XRN2: variants seen among roughly 807,000 people sequenced by gnomAD.
XRN2 encodes DHM1-like protein.
Under a neutral mutation model 138.5 loss-of-function variants are expected in XRN2, and 44 were observed. The ratio of observed to expected loss-of-function variants is 0.32; its 90% CI spans 0.25 to 0.41. The LOEUF (loss-of-function observed/expected upper bound fraction) is 0.41. Among genes scored for constraint, XRN2 ranks in the 10% least tolerant of loss-of-function variants. The pLI, the probability that XRN2 is intolerant of heterozygous loss-of-function variation, is 1.00. For synonymous variants in XRN2, 354 were observed against 369.4 expected (o/e 0.96, Z 0.48); for missense variants, 937 against 1,169.3 (o/e 0.80, Z 2.90).
At chr20:21,328,103 A>T (rs2122204930) in intron 3 of XRN2, among the ~76,000 whole-genome samples, 1 of 152,264 alleles carries the variant, frequency 6.6e-6, no homozygotes, top group South Asian at 2.1e-4. Context: ...CTTTTATGAG[A>T]CATTGTGGAT....
At chr20:21,326,820 C>T (rs541985620) in intron 3 of XRN2, among the ~76,000 whole-genome samples, 1 of 152,206 alleles carries the variant, frequency 6.6e-6, no homozygotes, top group East Asian at 1.9e-4. Flanking sequence ...TTGGCGACTG[C>T]CCTTGCTTTT....
At chr20:21,316,104 A>G (rs1352017108) in intron 1 of XRN2, among the ~76,000 whole-genome samples, 1 of 151,992 alleles carries the variant, frequency 6.6e-6, no homozygotes, top group Non-Finnish European at 1.5e-5. Context: ...AATACAGAAA[A>G]TTAGCCGGGT....
chr20:21,344,255 G>C (rs543222276), intron 16 of XRN2, 47 bp downstream of exon 16: 5 of 1,411,822 alleles, frequency 3.5e-6, no homozygotes, highest in Non-Finnish European at 5.0e-6. Context: ...TGCTGAAATA[G>C]ATGCAGTCTA....
intron 24 of XRN2, among the ~76,000 whole-genome samples, chr20:21,360,422 A>G (rs1241341571): frequency 1.4e-5 from 2 of 145,896 alleles, no homozygotes; most frequent in African/African-American, 2.5e-5. Flanking sequence ...TACAGTTTTT[A>G]TATATGTTGT....
chr20:21,363,163 C>T (rs574619930), intron 24 of XRN2, among the ~76,000 whole-genome samples: 1 of 152,280 alleles, frequency 6.6e-6, no homozygotes, highest in Non-Finnish European at 1.5e-5. Flanking sequence ...AAGGTGTATA[C>T]ACACACATGC....
intron 26 of XRN2, among the ~76,000 whole-genome samples, chr20:21,366,059 T>C (rs1173316002): frequency 3.4e-4 from 40 of 115,954 alleles, no homozygotes; most frequent in African/African-American, 1.3e-3. Context: ...TTATATAATA[T>C]ATATAAATAT....
Position 21,333,956 on chromosome 20 carries a change from T to C in XRN2, c.1087T>C (p.Leu363=), listed in dbSNP as rs1217390349. 1 of 1,614,030 alleles carries C rather than the reference T, an allele frequency of 6.2e-7. No individual in the cohort carries two copies. Among genetic ancestry groups the C allele is most frequent in the African/African-American group, 1.3e-5 (1 of 74,938 alleles). The change falls in exon 12 of 30, where the codon TTG becomes CTG. Residue 363 remains leucine (L), a synonymous_variant. Transcript: ENST00000377191. ...TGACAGGGAAAATGCAATTGACCGT[T>C]TGGTTAACATATACAAAAATGTGGT... is the stretch of plus-strand genomic sequence containing the variant. ...LEIRENAIDR[L]VNIYKNVVHK...
intron 9 of XRN2, among the ~76,000 whole-genome samples, chr20:21,332,801 G>A (rs574094558): frequency 3.2e-4 from 48 of 152,098 alleles, no homozygotes; most frequent in Non-Finnish European, 6.3e-4. Flanking sequence ...ATATCTACAC[G>A]AGGCTTAGTT....
At chr20:21,333,436 T>G in intron 9 of XRN2, 108 bp from the exon 10 acceptor site, 9 of 1,096,706 alleles carry the variant, frequency 8.2e-6, no homozygotes, top group Non-Finnish European at 1.2e-5. Context: ...TAAATACTTG[T>G]GATATTAAAA....
intron 1 of XRN2, among the ~76,000 whole-genome samples, chr20:21,313,238 A>G (rs867953248): frequency 6.6e-6 from 1 of 152,186 alleles, no homozygotes; most frequent in African/African-American, 2.4e-5. Flanking sequence ...GTGTAAGTTA[A>G]CACACTACGC....
chr20:21,365,398 A>G (rs1452889734), intron 24 of XRN2, 23 bp from the exon 25 acceptor site: 1 of 1,606,926 alleles, frequency 6.2e-7, no homozygotes, highest in Non-Finnish European at 8.5e-7. Context: ...CAGATCATTG[A>G]ATTGTTTCTT....
chr20:21,368,705 T>G, intron 27 of XRN2, 115 bp downstream of exon 27: 1 of 1,341,338 alleles, frequency 7.5e-7, no homozygotes, highest in Admixed American at 2.6e-5. Context: ...CAGTGAACTT[T>G]AAAAACATGT....
At position 21,332,369 on chromosome 20, in the gene XRN2, TGTG is replaced by T; in HGVS notation, c.790_792del (p.Gly264del). ...ATTCAAACCAAACAAGCCCAAACCA[TGTG>T]GTCTTTGTAATCAGTTTGGACATGA... On this transcript the variant is annotated inframe_deletion, in exon 9 of 30. Coordinates refer to ENST00000377191, the MANE Select transcript of XRN2 (RefSeq NM_012255.5). The T allele has an allele frequency of 6.2e-7, 1 of 1,613,800 alleles. No homozygotes were observed. Among genetic ancestry groups the T allele is most frequent in the Non-Finnish European group, 8.5e-7 (1 of 1,179,838 alleles).
intron 27 of XRN2, among the ~76,000 whole-genome samples, chr20:21,375,865 GTC>G (rs1284568538): frequency 6.6e-6 from 1 of 150,458 alleles, no homozygotes; most frequent in East Asian, 2.0e-4. Flanking sequence ...TTGAGACGGA[GTC>G]TCTCTCTGTC....
intron 17 of XRN2, 22 bp from the exon 18 acceptor site, chr20:21,348,124 G>A (rs1026375057): frequency 6.3e-7 from 1 of 1,574,840 alleles, no homozygotes; most frequent in Admixed American, 2.1e-5. Context: ...TGATTTTGTT[G>A]TTACTTTTTT....
intron 1 of XRN2, among the ~76,000 whole-genome samples, chr20:21,304,632 C>G (rs370197697): frequency 2.6e-5 from 4 of 152,116 alleles, no homozygotes; most frequent in African/African-American, 9.7e-5. Context: ...ACTTTTAGAT[C>G]TGTTGAATTC....
At position 21,303,822 on chromosome 20, in the gene XRN2, GGCT is replaced by G. The variant is rs1427234239; in HGVS notation, c.75+351_75+353del. Reference sequence around the variant, plus strand: ...TTTTGGGTCTCGGAAGAGGTTCAGAGGCTGTTGTTGAGCAATGCATGCCAGGTC... The same window carrying G: ...TTTTGGGTCTCGGAAGAGGTTCAGAGGTTGTTGAGCAATGCATGCCAGGTC... On this transcript the variant is annotated intron_variant, in intron 1 of 29. Coordinates refer to ENST00000377191, the MANE Select transcript of XRN2 (RefSeq NM_012255.5). 8.5e-6 allele frequency: 9 copies of G among 1,057,504 alleles called. No individual in the cohort carries two copies. The African/African-American group carries it at 1.5e-4, about 18-fold the overall frequency. The allele number at this position is 1,057,504 out of a possible 1,614,324, so 65.5% of individuals were successfully genotyped here. A position where few individuals can be genotyped will look rare whatever the true frequency, so the allele number is the denominator to read the frequency against.
chr20:21,356,308 G>T, intron 22 of XRN2, 131 bp downstream of exon 22: 1 of 699,614 alleles, frequency 1.4e-6, no homozygotes, highest in Non-Finnish European at 2.3e-6. Flanking sequence ...TTCCAGTGTT[G>T]TATAACCATT....
At chr20:21,378,049 A>T (rs531451953) in intron 27 of XRN2, among the ~76,000 whole-genome samples, 1 of 152,160 alleles carries the variant, frequency 6.6e-6, no homozygotes, top group Non-Finnish European at 1.5e-5. Context: ...CCTTCTCTTT[A>T]CATTTTAAGT....
Sources: allele counts gnomAD v4.1 joint callset (sites outside exome capture counted in the v4.1 genomes callset), GRCh38; gene constraint gnomAD v4.1.1; transcripts MANE v1.5; gene names NCBI Gene and HGNC (gene_info 2026-07-23, HGNC 2026-07-21).